ATP6V1H: variants seen among roughly 807,000 people sequenced by gnomAD.
ATP6V1H encodes the protein V-type proton ATPase subunit H.
Under a neutral mutation model 71.7 loss-of-function variants are expected in ATP6V1H, and 39 were observed. The observed-to-expected ratio is 0.54, with a 90% confidence interval of 0.42 to 0.71. The LOEUF (loss-of-function observed/expected upper bound fraction) is 0.71. Ranked by LOEUF, ATP6V1H falls within the 30% of genes least tolerant of loss-of-function variation. The pLI is 0.00. For missense variants in ATP6V1H, 509 were observed against 594.9 expected, an observed-to-expected ratio of 0.86 and a Z score of 1.50; for synonymous variants, 192 against 199.3, an observed-to-expected ratio of 0.96 and a Z score of 0.31.
intron 10 of ATP6V1H, among the ~76,000 whole-genome samples, chr8:53,770,472 T>A (rs1290543910): frequency 6.6e-6 from 1 of 152,166 alleles, no homozygotes; most frequent in Non-Finnish European, 1.5e-5. Flanking sequence ...ATAAAAGATG[T>A]AACCATTCAA....
intron 7 of ATP6V1H, among the ~76,000 whole-genome samples, chr8:53,802,914 T>C (rs2130439004): frequency 6.6e-6 from 1 of 152,314 alleles, no homozygotes; most frequent in East Asian, 1.9e-4. Flanking sequence ...TGCTTAAACC[T>C]GAAACTTAAA....
chr8:53,838,925 C>T (rs1811259477), intron 2 of ATP6V1H, among the ~76,000 whole-genome samples: 1 of 152,162 alleles, frequency 6.6e-6, no homozygotes, highest in African/African-American at 2.4e-5. Flanking sequence ...AATCTGTAAG[C>T]TCTTTTATAT....
At chr8:53,761,736 T>C (rs1016611632) in intron 11 of ATP6V1H, among the ~76,000 whole-genome samples, 1 of 152,220 alleles carries the variant, frequency 6.6e-6, no homozygotes, top group African/African-American at 2.4e-5. Context: ...ATGAGAATAA[T>C]GTATCATTTT....
chr8:53,774,194 G>A (rs1178356269), intron 9 of ATP6V1H, among the ~76,000 whole-genome samples: 1 of 152,232 alleles, frequency 6.6e-6, no homozygotes, highest in Non-Finnish European at 1.5e-5. Flanking sequence ...CCAAGCCCAT[G>A]CAAAGGCATA....
chr8:53,759,103 T>G (rs1438596485), intron 11 of ATP6V1H, among the ~76,000 whole-genome samples: 1 of 152,236 alleles, frequency 6.6e-6, no homozygotes, highest in Non-Finnish European at 1.5e-5. Context: ...AATTAGAATC[T>G]GCATTTTAAC....
intron 13 of ATP6V1H, among the ~76,000 whole-genome samples, chr8:53,719,998 G>A (rs998420382): frequency 6.6e-6 from 1 of 152,068 alleles, no homozygotes; most frequent in Non-Finnish European, 1.5e-5. Context: ...TTACCTCAGG[G>A]GATAATAATA....
intron 9 of ATP6V1H, among the ~76,000 whole-genome samples, chr8:53,772,440 A>G (rs1808697771): frequency 6.6e-6 from 1 of 152,224 alleles, no homozygotes; most frequent in African/African-American, 2.4e-5. Flanking sequence ...ACACGTTTAC[A>G]ATGAAATCCA....
At chr8:53,782,841 C>T (rs1238580102) in intron 9 of ATP6V1H, among the ~76,000 whole-genome samples, 5 of 151,840 alleles carry the variant, frequency 3.3e-5, no homozygotes, top group African/African-American at 7.3e-5. Flanking sequence ...TGCTAGATTA[C>T]GTTTATTGAT....
intron 11 of ATP6V1H, among the ~76,000 whole-genome samples, chr8:53,766,816 T>C (rs1044267260): frequency 6.6e-6 from 1 of 152,196 alleles, no homozygotes; most frequent in Admixed American, 6.5e-5. Flanking sequence ...CAAAACCCTG[T>C]CTCCTGATAA....
chr8:53,841,649 G>A lies in ATP6V1H; in HGVS notation c.42C>T (p.Val14=). Residue 14 remains valine (V), a synonymous_variant, in exon 2 of 14, where the codon GTC becomes GTT. Coordinates refer to ENST00000359530, the MANE Select transcript of ATP6V1H (RefSeq NM_015941.4). ...MDIRGAVDAA[V]PTNIIAAKAA... ...CCTTGGCAGCAATAATATTGGTGGG[G>A]ACAGCAGCATCCACAGCACCTCGGA... 6.2e-7 allele frequency: 1 copy of A among 1,614,094 alleles called. No homozygotes were observed. The highest frequency in any genetic ancestry group is 8.5e-7 in the Non-Finnish European group (1 of 1,179,960).
intron 9 of ATP6V1H, among the ~76,000 whole-genome samples, chr8:53,792,100 A>G (rs1440504296): frequency 6.6e-6 from 1 of 152,212 alleles, no homozygotes; most frequent in Non-Finnish European, 1.5e-5. Flanking sequence ...TTGACTTAAG[A>G]ACTGATTATT....
chr8:53,728,513 T>C (rs1441003520), intron 13 of ATP6V1H, among the ~76,000 whole-genome samples: 2 of 152,272 alleles, frequency 1.3e-5, no homozygotes, highest in Admixed American at 6.5e-5. Flanking sequence ...AAAATATGGC[T>C]ACTTGAAATT....
intron 11 of ATP6V1H, among the ~76,000 whole-genome samples, chr8:53,768,216 T>C (rs1190739348): frequency 1.3e-5 from 2 of 152,044 alleles, no homozygotes; most frequent in Non-Finnish European, 2.9e-5. Flanking sequence ...GAAATACAAA[T>C]AGACACCACA....
intron 3 of ATP6V1H, 37 bp from the exon 4 acceptor site, chr8:53,829,570 T>C (rs1810937515): frequency 1.5e-6 from 2 of 1,331,466 alleles, no homozygotes; most frequent in Non-Finnish European, 2.1e-6. Flanking sequence ...ATTGTTTTTA[T>C]TTGCAGACAC....
intron 2 of ATP6V1H, among the ~76,000 whole-genome samples, chr8:53,838,439 G>A (rs538759600): frequency 1.3e-3 from 198 of 152,152 alleles, no homozygotes; most frequent in African/African-American, 4.5e-3. Context: ...GTCTTTATGC[G>A]TTCTGTGAAA....
At chr8:53,785,739 T>C (rs1232070220) in intron 9 of ATP6V1H, among the ~76,000 whole-genome samples, 1 of 152,234 alleles carries the variant, frequency 6.6e-6, no homozygotes, top group East Asian at 1.9e-4. Context: ...TTTCTGTTTG[T>C]TAGTTTTCCT....
At chr8:53,757,235 C>T (rs1302479098) in intron 11 of ATP6V1H, among the ~76,000 whole-genome samples, 2 of 152,294 alleles carry the variant, frequency 1.3e-5, no homozygotes, top group Non-Finnish European at 1.5e-5. Context: ...CATAAATTGT[C>T]ACTGGAGCCT....
chr8:53,802,299 T>TA (rs1809936687), intron 7 of ATP6V1H, among the ~76,000 whole-genome samples: 1 of 151,776 alleles, frequency 6.6e-6, no homozygotes. Context: ...AAAAGAAGAG[T>TA]AAATACTTCA....
At chr8:53,739,011 T>C (rs757226054) in intron 13 of ATP6V1H, among the ~76,000 whole-genome samples, 5 of 152,174 alleles carry the variant, frequency 3.3e-5, no homozygotes, top group African/African-American at 4.8e-5. Context: ...TTTCAAATGT[T>C]CCTCCACTAA....
Sources: allele counts gnomAD v4.1 joint callset (sites outside exome capture counted in the v4.1 genomes callset), GRCh38; gene constraint gnomAD v4.1.1; transcripts MANE v1.5; gene names NCBI Gene and HGNC (gene_info 2026-07-23, HGNC 2026-07-21).